RIMS1: variants seen among roughly 807,000 people sequenced by gnomAD.
RIMS1 encodes regulating synaptic membrane exocytosis 1.
A neutral mutation model predicts 214.1 loss-of-function variants in RIMS1; 83 were observed. That is an observed-to-expected ratio of 0.39 (90% confidence interval 0.32 to 0.47). RIMS1 has a LOEUF of 0.47. RIMS1 is among the 20% of genes least tolerant of loss of function. The pLI is 0.99. For missense variants in RIMS1, 2,050 were observed against 2,161.8 expected (o/e 0.95, Z 1.03); for synonymous variants, 793 against 786.8 (o/e 1.01, Z -0.13).
intron 1 of RIMS1, among the ~76,000 whole-genome samples, chr6:71,945,316 C>T (rs1787455186): frequency 6.6e-6 from 1 of 152,106 alleles, no homozygotes; most frequent in South Asian, 2.1e-4. Context: ...TAAAGGGACA[C>T]AGCACTGGAG....
At chr6:72,233,624 C>T in intron 6 of RIMS1, 149 bp from the exon 7 acceptor site, 1 of 621,546 alleles carries the variant, frequency 1.6e-6, no homozygotes, top group Non-Finnish European at 2.9e-6. Flanking sequence ...CAAGTCACAA[C>T]CTTTGCAACA....
intron 4 of RIMS1, among the ~76,000 whole-genome samples, chr6:72,125,701 C>A (rs1165286787): frequency 1.3e-5 from 2 of 152,164 alleles, no homozygotes; most frequent in African/African-American, 2.4e-5. Context: ...TGGTGGATGC[C>A]CCTCCCCCAG....
chr6:72,217,898 A>G (rs1015476916), intron 6 of RIMS1, among the ~76,000 whole-genome samples: 3 of 152,138 alleles, frequency 2.0e-5, no homozygotes, highest in East Asian at 1.9e-4. Context: ...TAAAAGAGTA[A>G]CTAGTGACTA....
At chr6:71,912,314 C>T (rs1041144495) in intron 1 of RIMS1, among the ~76,000 whole-genome samples, 5 of 152,070 alleles carry the variant, frequency 3.3e-5, no homozygotes. Flanking sequence ...GAATACAAAT[C>T]TCTGATACCC....
intron 4 of RIMS1, among the ~76,000 whole-genome samples, chr6:72,142,653 A>G (rs968735268): frequency 6.6e-6 from 1 of 152,136 alleles, no homozygotes; most frequent in Non-Finnish European, 1.5e-5. Flanking sequence ...CTTAAAATTA[A>G]GCAGCAATCA....
chr6:72,234,322 GA>G (rs2063195851), intron 7 of RIMS1, among the ~76,000 whole-genome samples: 3 of 151,930 alleles, frequency 2.0e-5, no homozygotes, highest in Non-Finnish European at 2.9e-5. Flanking sequence ...TTTAACTGAA[GA>G]AATTGCATCA....
At chr6:72,041,943 T>A (rs145863044) in intron 2 of RIMS1, among the ~76,000 whole-genome samples, 1 of 152,028 alleles carries the variant, frequency 6.6e-6, no homozygotes, top group Admixed American at 6.6e-5. Context: ...ACACCAAGAC[T>A]GACCTAACGC....
intron 9 of RIMS1, among the ~76,000 whole-genome samples, chr6:72,238,368 G>T (rs977266312): frequency 1.3e-5 from 2 of 151,844 alleles, no homozygotes; most frequent in African/African-American, 4.8e-5. Context: ...CACTTATTCA[G>T]GGGCAGTGTT....
chr6:72,396,415 TCAC>T (rs1396368627), intron 31 of RIMS1, among the ~76,000 whole-genome samples: 6 of 152,130 alleles, frequency 3.9e-5, no homozygotes, highest in Non-Finnish European at 8.8e-5. Context: ...TTTGGTGCAG[TCAC>T]CAATTGGAAT....
At chr6:71,963,130 T>C (rs1163504504) in intron 1 of RIMS1, among the ~76,000 whole-genome samples, 1 of 152,208 alleles carries the variant, frequency 6.6e-6, no homozygotes, top group East Asian at 1.9e-4. Context: ...CTGAGGTTGC[T>C]GGACTCTGTA....
chr6:71,998,004 T>C (rs760344765), intron 2 of RIMS1, among the ~76,000 whole-genome samples: 4 of 152,078 alleles, frequency 2.6e-5, no homozygotes, highest in African/African-American at 4.8e-5. Context: ...TTTGTTCATG[T>C]CCAGCATTGC....
chr6:72,205,729 A>T (rs547187454), intron 6 of RIMS1, among the ~76,000 whole-genome samples: 1 of 152,186 alleles, frequency 6.6e-6, no homozygotes, highest in African/African-American at 2.4e-5. Context: ...GTATCTTGGC[A>T]TAATAAATAC....
intron 28 of RIMS1, chr6:72,316,959 C>A: frequency 1.6e-6 from 1 of 636,302 alleles, no homozygotes; most frequent in Non-Finnish European, 3.0e-6. Context: ...AGGCCCTAGG[C>A]TCTGTGGAGA....
rs77547950 is a variant in RIMS1, at chr6:72,298,680, C to G, written c.3850+6634C>G. Among the ~76,000 whole-genome samples, 1,087 of 152,088 alleles carry G rather than the reference C, an allele frequency of 7.1e-3. 8 individuals are homozygous for G. The highest frequency in any genetic ancestry group is 0.016 in the South Asian group (76 of 4,818). On this transcript the variant is annotated intron_variant, in intron 26 of 33. Coordinates refer to ENST00000521978, the MANE Select transcript of RIMS1 (RefSeq NM_014989.7). ...GAGGCAGAACCAGATTTTGAATCCA[C>G]AGCCCATGTTCTGTGCTCCACACCA...
At chr6:72,286,805 C>A (rs1037558087) in intron 24 of RIMS1, among the ~76,000 whole-genome samples, 3 of 152,222 alleles carry the variant, frequency 2.0e-5, no homozygotes, top group African/African-American at 7.2e-5. Context: ...TCATACTACA[C>A]AGTTTTGCAC....
intron 28 of RIMS1, among the ~76,000 whole-genome samples, chr6:72,330,423 G>T (rs1351251652): frequency 1.3e-5 from 2 of 151,712 alleles, no homozygotes; most frequent in Admixed American, 6.6e-5. Context: ...TTAAAGATGG[G>T]TTATAGCACA....
At chr6:72,203,227 T>C (rs1259130644) in intron 6 of RIMS1, among the ~76,000 whole-genome samples, 2 of 152,134 alleles carry the variant, frequency 1.3e-5, no homozygotes, top group East Asian at 3.9e-4. Flanking sequence ...GACCCTGTGA[T>C]CCGCCCACCT....
chr6:72,257,991 G>C (rs933512903), intron 16 of RIMS1, 134 bp from the exon 17 acceptor site: 35 of 734,180 alleles, frequency 4.8e-5, no homozygotes, highest in Middle Eastern at 3.9e-4. Flanking sequence ...TGAAGATAAG[G>C]CTATTAATAC....
intron 1 of RIMS1, among the ~76,000 whole-genome samples, chr6:71,903,074 C>G (rs552031734): frequency 1.8e-4 from 27 of 152,080 alleles, no homozygotes; most frequent in Non-Finnish European, 3.8e-4. Flanking sequence ...AATGCTATTT[C>G]TGAGTCTATA....
Sources: gnomAD v4.1 joint callset for allele counts (sites outside exome capture counted in the v4.1 genomes callset) on GRCh38, gnomAD v4.1.1 for gene constraint, MANE v1.5 for transcripts, NCBI Gene and HGNC (gene_info 2026-07-23, HGNC 2026-07-21) for gene names.